SEL1L3: variants seen among roughly 807,000 people sequenced by gnomAD.
SEL1L3 encodes protein sel-1 homolog 3.
In SEL1L3, 76 loss-of-function variants were observed where a neutral mutation model predicts 142.8. That is an observed-to-expected ratio of 0.53 (90% confidence interval 0.44 to 0.64). SEL1L3 has a LOEUF of 0.64. Among genes scored for constraint, SEL1L3 ranks in the 30% least tolerant of loss-of-function variants. The pLI is 0.00. For synonymous variants in SEL1L3, 504 were observed against 519.6 expected (o/e 0.97, Z 0.41); for missense variants, 1,262 against 1,381.7 (o/e 0.91, Z 1.37).
chr4:25,813,101 T>C (rs944923805), intron 9 of SEL1L3, among the ~76,000 whole-genome samples: 7 of 152,164 alleles, frequency 4.6e-5, no homozygotes, highest in Non-Finnish European at 7.4e-5. Flanking sequence ...TTGGAGGGAA[T>C]ATAAAGGGTC....
At chr4:25,808,360 A>T (rs116163974) in intron 9 of SEL1L3, among the ~76,000 whole-genome samples, 31 of 152,202 alleles carry the variant, frequency 2.0e-4, no homozygotes, top group Non-Finnish European at 3.1e-4. Flanking sequence ...AGAATCATTT[A>T]TTTTGCTTTT....
chr4:25,774,011 A>G (rs574206875), intron 17 of SEL1L3, among the ~76,000 whole-genome samples: 1 of 152,276 alleles, frequency 6.6e-6, no homozygotes, highest in South Asian at 2.1e-4. Flanking sequence ...TTGAGCTATA[A>G]TTGTTCCCTC....
rs370424215 is a variant in SEL1L3 at position 25,847,507 on chromosome 4, G to A, written c.520C>T (p.Arg174Cys). 23 of 1,613,794 alleles carry A rather than the reference G, an allele frequency of 1.4e-5. No individual in the cohort carries two copies. The African/African-American group carries it at 1.6e-4, about 11-fold the overall frequency. Residue 174 changes from arginine (R) to cysteine (C), a missense_variant, in exon 2 of 24, where the codon CGC becomes TGC. By Grantham distance (180) the Arg-to-Cys change is radical. Transcript: ENST00000399878. ...HSISVSAVIV[R>C]AWITHKYSGR... ...CTGTATTTGTGAGTAATCCAGGCGC[G>A]TACTATCACTGCAGATACAGAGATG...
At chr4:25,787,868 T>C (rs1711960482) in intron 13 of SEL1L3, among the ~76,000 whole-genome samples, 1 of 152,156 alleles carries the variant, frequency 6.6e-6, no homozygotes, top group Non-Finnish European at 1.5e-5. Context: ...AATTACACAC[T>C]ATGTTTAAGC....
At chr4:25,731,195 T>G in the SEL1L3 span, among the ~76,000 whole-genome samples, 1 of 152,240 alleles carries the variant, frequency 6.6e-6, no homozygotes, top group Non-Finnish European at 1.5e-5. Flanking sequence ...GTTTAACACT[T>G]GTGCTTTTAT....
the SEL1L3 span, among the ~76,000 whole-genome samples, chr4:25,736,184 G>A: frequency 8.1e-4 from 114 of 141,084 alleles, no homozygotes; most frequent in African/African-American, 2.5e-3. Flanking sequence ...ATTCATTTCC[G>A]TTGTGGTCAG....
At chr4:25,782,705 C>T (rs148026673) in intron 14 of SEL1L3, among the ~76,000 whole-genome samples, 128 of 152,262 alleles carry the variant, frequency 8.4e-4, no homozygotes, top group African/African-American at 2.9e-3. Flanking sequence ...TTACGCAACA[C>T]GCTTGTCTAC....
chr4:25,851,799 G>A (rs1577698938), intron 1 of SEL1L3, among the ~76,000 whole-genome samples: 1 of 148,446 alleles, frequency 6.7e-6, no homozygotes. Flanking sequence ...TGAGGCAGGA[G>A]AATTGCTTGA....
At chr4:25,718,531 G>C in the SEL1L3 span, 1 of 152,204 alleles carries the variant, frequency 6.6e-6, no homozygotes, top group African/African-American at 2.4e-5. Context: ...AAAGCTTCAA[G>C]GGTCTGGATG....
intron 1 of SEL1L3, among the ~76,000 whole-genome samples, chr4:25,853,279 T>A (rs1472128974): frequency 6.6e-6 from 1 of 152,166 alleles, no homozygotes; most frequent in East Asian, 1.9e-4. Flanking sequence ...CATATACACA[T>A]TTCACCGTGT....
chr4:25,834,477 C>T (rs1036406314), intron 3 of SEL1L3, among the ~76,000 whole-genome samples: 5 of 152,192 alleles, frequency 3.3e-5, no homozygotes, highest in Non-Finnish European at 7.3e-5. Context: ...GTGACAGTGG[C>T]CCCAGGTTCT....
chr4:25,745,275 A>T (rs2109101267), downstream of SEL1L3, among the ~76,000 whole-genome samples: 1 of 152,204 alleles, frequency 6.6e-6, no homozygotes, highest in Non-Finnish European at 1.5e-5. Flanking sequence ...CATGCCTGTA[A>T]TCCCAGCTAC....
At chr4:25,791,471 C>T (rs965089114) in intron 11 of SEL1L3, among the ~76,000 whole-genome samples, 5 of 152,216 alleles carry the variant, frequency 3.3e-5, no homozygotes, top group African/African-American at 9.6e-5. Context: ...TGTTGTTCCA[C>T]GGTCTCTCTT....
chr4:25,714,092 T>C, the SEL1L3 span, among the ~76,000 whole-genome samples: 2,324 of 152,250 alleles, frequency 0.015, 68 homozygotes, highest in African/African-American at 0.053. Flanking sequence ...AAGTACTTTT[T>C]GTCCCTTTGC....
rs576286475 is a variant in SEL1L3, at chr4:25,862,335, G to T, written c.162+340C>A. ...GGTTGGGGGGTGCTGGAGACTGCGC[G>T]CGGCGGGGCGGGGAGCGAACTCCGG... On this transcript the variant is annotated intron_variant, in intron 1 of 23. Transcript: ENST00000399878. Among the ~76,000 whole-genome samples the T allele has an allele frequency of 4.0e-5, 6 of 151,646 alleles. No individual in the cohort carries two copies. The South Asian group carries it at 6.3e-4, about 16-fold the overall frequency.
chr4:25,770,675 G>A (rs866199265), intron 17 of SEL1L3, among the ~76,000 whole-genome samples: 1 of 150,262 alleles, frequency 6.7e-6, no homozygotes, highest in East Asian at 1.9e-4. Context: ...AGGAGGCGGA[G>A]GTTGCAGTGA....
intron 6 of SEL1L3, among the ~76,000 whole-genome samples, chr4:25,827,199 C>A (rs1715151834): frequency 6.6e-6 from 1 of 151,904 alleles, no homozygotes; most frequent in South Asian, 2.1e-4. Flanking sequence ...AATTGTGTAC[C>A]CCTCCTCCCA....
intron 5 of SEL1L3, 95 bp downstream of exon 5, chr4:25,832,900 C>G: frequency 1.4e-6 from 1 of 733,808 alleles, no homozygotes; most frequent in South Asian, 1.7e-5. Context: ...CACAAATTTG[C>G]TTTTGCAGAT....
intron 2 of SEL1L3, among the ~76,000 whole-genome samples, chr4:25,836,436 C>G (rs756198910): frequency 6.6e-6 from 1 of 151,990 alleles, no homozygotes; most frequent in Non-Finnish European, 1.5e-5. Context: ...CACTTGAGGT[C>G]AGGAGATCGA....
Sources: allele counts gnomAD v4.1 joint callset (sites outside exome capture counted in the v4.1 genomes callset), GRCh38; gene constraint gnomAD v4.1.1; transcripts MANE v1.5; gene names NCBI Gene and HGNC (gene_info 2026-07-23, HGNC 2026-07-21).